The following DPYD variants were observed in gnomAD, a reference collection of about 807,000 sequenced individuals.
DPYD encodes dihydropyrimidine dehydrogenase [NADP(+)].
DPYD carries 109 observed loss-of-function variants against 116.2 expected under a neutral mutation model. That is an observed-to-expected ratio of 0.94 (90% confidence interval 0.80 to 1.10). The LOEUF is 1.10. Among genes scored for constraint, DPYD ranks in the 50% least tolerant of loss-of-function variants. The pLI is 0.00. For missense variants in DPYD, 1,302 were observed against 1,254.5 expected, an observed-to-expected ratio of 1.04 and a Z score of -0.57; for synonymous variants, 440 against 432.0, an observed-to-expected ratio of 1.02 and a Z score of -0.23.
At chr1:97,356,135 A>C (rs1287182626) in intron 16 of DPYD, among the ~76,000 whole-genome samples, 1 of 152,162 alleles carries the variant, frequency 6.6e-6, no homozygotes, top group African/African-American at 2.4e-5. Context: ...GACAGGTGTG[A>C]GTGATATCTC....
chr1:97,086,082 C>T (rs932454503), intron 21 of DPYD, among the ~76,000 whole-genome samples: 1 of 152,142 alleles, frequency 6.6e-6, no homozygotes, highest in Admixed American at 6.5e-5. Flanking sequence ...GAGACAGAGT[C>T]TCGCTCTGTT....
intron 10 of DPYD, among the ~76,000 whole-genome samples, chr1:97,590,977 G>A (rs1386928690): frequency 6.6e-6 from 1 of 152,188 alleles, no homozygotes; most frequent in Non-Finnish European, 1.5e-5. Context: ...TCTTATGAAT[G>A]CCTACAATAC....
intron 18 of DPYD, among the ~76,000 whole-genome samples, chr1:97,286,282 G>T (rs1440289327): frequency 6.6e-6 from 1 of 152,184 alleles, no homozygotes; most frequent in Non-Finnish European, 1.5e-5. Context: ...TTTCTGCTGA[G>T]AGATCCGCTG....
chr1:97,238,160 C>T (rs893261462), intron 18 of DPYD, among the ~76,000 whole-genome samples: 10 of 152,140 alleles, frequency 6.6e-5, no homozygotes, highest in East Asian at 1.9e-4. Context: ...TCCTTTCTAA[C>T]GCTTTTATAA....
chr1:97,823,509 A>C (rs950937146), intron 3 of DPYD, among the ~76,000 whole-genome samples: 2 of 152,086 alleles, frequency 1.3e-5, no homozygotes, highest in Non-Finnish European at 2.9e-5. Flanking sequence ...TACTCTCCCA[A>C]GCTTCTGGTA....
At chr1:97,711,613 C>T (rs1039009312) in intron 5 of DPYD, among the ~76,000 whole-genome samples, 2 of 151,828 alleles carry the variant, frequency 1.3e-5, no homozygotes, top group East Asian at 1.9e-4. Flanking sequence ...ATGATGCATT[C>T]GTTCTATGTT....
intron 1 of DPYD, among the ~76,000 whole-genome samples, chr1:97,892,756 C>T (rs78280486): frequency 2.9e-3 from 442 of 151,796 alleles, no homozygotes; most frequent in African/African-American, 9.9e-3. Flanking sequence ...GCCAATTTTC[C>T]CTTTATGCAC....
At chr1:97,468,944 CA>C (rs529972486) in intron 13 of DPYD, among the ~76,000 whole-genome samples, 1 of 151,860 alleles carries the variant, frequency 6.6e-6, no homozygotes, top group Admixed American at 6.6e-5. Context: ...TAATGGATTC[CA>C]AAAAAATTAG....
intron 1 of DPYD, among the ~76,000 whole-genome samples, chr1:97,919,889 G>A (rs913873442): frequency 3.3e-5 from 5 of 152,112 alleles, no homozygotes; most frequent in African/African-American, 7.2e-5. Context: ...CTTCAATTAC[G>A]GAGGCAAAAT....
chr1:97,135,174 A>G (rs1653691082), intron 20 of DPYD, among the ~76,000 whole-genome samples: 1 of 152,132 alleles, frequency 6.6e-6, no homozygotes. Context: ...GATTTAGCTA[A>G]TCCTTAGCTT....
At chr1:97,879,273 AT>A (rs35619235) in intron 2 of DPYD, among the ~76,000 whole-genome samples, 1,653 of 150,954 alleles carry the variant, frequency 0.011, 13 homozygotes, top group Middle Eastern at 0.034. Context: ...TTCTCATTGT[AT>A]TTTTTTTTAT....
intron 8 of DPYD, among the ~76,000 whole-genome samples, chr1:97,646,232 T>TTATG (rs1658250160): frequency 6.6e-6 from 1 of 152,122 alleles, no homozygotes; most frequent in Non-Finnish European, 1.5e-5. Context: ...AGTACTCCAA[T>TTATG]TATGCATATG....
chr1:97,792,969 A>T (rs1458848986), intron 3 of DPYD, among the ~76,000 whole-genome samples: 2 of 152,228 alleles, frequency 1.3e-5, no homozygotes, highest in Non-Finnish European at 1.5e-5. Context: ...GAAAAAGAAC[A>T]TTATGTAAAA....
chr1:97,731,085 AATGATTATTTATGCCATGCCAAAAGACAC>A (rs1355449501), intron 4 of DPYD, among the ~76,000 whole-genome samples: 1 of 152,106 alleles, frequency 6.6e-6, no homozygotes, highest in Non-Finnish European at 1.5e-5. Context: ...CTTTTTCTTT[AATGATTATTTATGCCATGCCAAAAGACAC>A]ATGATTATTT....
intron 14 of DPYD, among the ~76,000 whole-genome samples, chr1:97,440,169 G>A (rs1675692652): frequency 6.6e-6 from 1 of 151,518 alleles, no homozygotes; most frequent in Non-Finnish European, 1.5e-5. Flanking sequence ...CAACTACTCG[G>A]GAGGCTGAGG....
intron 16 of DPYD, among the ~76,000 whole-genome samples, chr1:97,356,438 A>C (rs888173881): frequency 6.6e-6 from 1 of 152,164 alleles, no homozygotes; most frequent in African/African-American, 2.4e-5. Context: ...ATTTTGATGT[A>C]ATCCAATTTG....
At chr1:97,883,209 C>A in intron 2 of DPYD, 55 bp downstream of exon 2, 2 of 1,194,698 alleles carry the variant, frequency 1.7e-6, no homozygotes, top group Non-Finnish European at 2.5e-6. Flanking sequence ...TCTTGCCTTA[C>A]AATGTGTGGA....
At chr1:97,129,126 A>G (rs980851976) in intron 20 of DPYD, among the ~76,000 whole-genome samples, 10 of 148,150 alleles carry the variant, frequency 6.7e-5, no homozygotes, top group Admixed American at 6.7e-4. Context: ...GTGCAATGGC[A>G]TGATTTTGGA....
chr1:97,662,548 G>T (rs1557868451), intron 8 of DPYD, among the ~76,000 whole-genome samples: 1 of 152,006 alleles, frequency 6.6e-6, no homozygotes, highest in Non-Finnish European at 1.5e-5. Context: ...CAGGAGAATG[G>T]CTGGAATCCA....
Sources: allele counts gnomAD v4.1 joint callset (sites outside exome capture counted in the v4.1 genomes callset), GRCh38; gene constraint gnomAD v4.1.1; transcripts MANE v1.5; gene names NCBI Gene and HGNC (gene_info 2026-07-23, HGNC 2026-07-21).